Variants in CACNA1G observed in about 807,000 individuals in gnomAD.
The protein encoded by CACNA1G is calcium voltage-gated channel subunit alpha1 G.
CACNA1G carries 67 observed loss-of-function variants against 219.4 expected under a neutral mutation model. That is an observed-to-expected ratio of 0.31 (90% CI 0.25 to 0.37). The LOEUF (loss-of-function observed/expected upper bound fraction) is 0.37, where lower values mean the gene tolerates loss of function less well. CACNA1G is among the 10% of genes least tolerant of loss of function. CACNA1G has a pLI of 1.00. For synonymous variants in CACNA1G, 1,296 were observed against 1,345.3 expected, an observed-to-expected ratio of 0.96 and a Z score of 0.80; for missense variants, 2,380 against 3,231.4, an observed-to-expected ratio of 0.74 and a Z score of 6.39.
At position 50,624,422 on chromosome 17, in the gene CACNA1G, G is replaced by C; in HGVS notation, c.6292G>C (p.Asp2098His). 1 of 1,529,108 alleles carries C rather than the reference G, an allele frequency of 6.5e-7. No individual in the cohort carries two copies. 94.7% of individuals were successfully genotyped at this position (1,529,108 alleles called of 1,614,324 possible). The change falls in exon 37 of 38, where the codon GAT becomes CAT. Residue 2098 changes from aspartate (D) to histidine (H), a missense_variant. By Grantham distance (81) the Asp-to-His change is moderately conservative. Around this residue, in one of 17 missense-constraint regions of CACNA1G, gnomAD observed 672 missense variants for 670.5 expected, o/e 1.00. Coordinates refer to ENST00000359106, the MANE Select transcript of CACNA1G (RefSeq NM_018896.5). ...CAGCTACATCCTGCAGCTTCCCAAA[G>C]ATGCACCTCATCTGCTCCAGCCCCA... ...DTSYILQLPK[D>H]APHLLQPHSA...
rs766165057 is a variant in CACNA1G, at chr17:50,618,816, G to A, written c.5589G>A (p.Glu1863=). ...HLEESNKEAK[E]EAELEAELEL... ...AGGAGAGCAACAAGGAGGCCAAGGAGGAGGCCGAGCTAGAGGCTGAGCTGG... is the reference window on the plus strand; with the variant it reads ...AGGAGAGCAACAAGGAGGCCAAGGAAGAGGCCGAGCTAGAGGCTGAGCTGG... The change falls in exon 33 of 38, where the codon GAG becomes GAA. Residue 1863 remains glutamate, a synonymous_variant. Coordinates refer to ENST00000359106, the MANE Select transcript of CACNA1G (RefSeq NM_018896.5). This position sits in a 1 kb window ranked among gnomAD's most constrained non-coding sequence, Gnocchi z 5.3. The A allele has an allele frequency of 3.1e-6, 5 of 1,613,954 alleles. No homozygotes were observed. The Admixed American group carries it at 5.0e-5, about 16-fold the overall frequency.
intron 34 of CACNA1G, 120 bp downstream of exon 34, chr17:50,619,946 C>A: frequency 1.9e-6 from 2 of 1,036,688 alleles, no homozygotes; most frequent in Non-Finnish European, 2.7e-6. Flanking sequence ...GAAAGTGCAG[C>A]CTTGGAGCCT....
intron 1 of CACNA1G, among the ~76,000 whole-genome samples, chr17:50,567,676 C>T (rs1448027614): frequency 6.6e-6 from 1 of 152,164 alleles, no homozygotes; most frequent in Non-Finnish European, 1.5e-5. Context: ...CAATCTCCTG[C>T]TCTCTGATCT....
intron 35 of CACNA1G, among the ~76,000 whole-genome samples, chr17:50,623,263 ATTTTTTTTTTTTTTTTTTT>A (rs35058899): frequency 2.0e-5 from 1 of 50,978 alleles, no homozygotes; most frequent in South Asian, 1.2e-3. Flanking sequence ...TATCCAGCTA[ATTTTTTTTTTTTTTTTTTT>A]TTTTTTTTTT....
chr17:50,609,776 A>C, intron 25 of CACNA1G, 106 bp from the exon 26 acceptor site: 1 of 933,470 alleles, frequency 1.1e-6, no homozygotes, highest in African/African-American at 1.7e-5. Context: ...AGCGCACCCC[A>C]CCCATAGGCA....
In CACNA1G at chr17:50,596,727, C is replaced by T; in HGVS notation, c.3065-3C>T. On this transcript the variant is annotated splice_region_variant and splice_polypyrimidine_tract_variant and intron_variant, in intron 15 of 37. Coordinates refer to ENST00000359106, the MANE Select transcript of CACNA1G (RefSeq NM_018896.5). The surrounding 1 kb of genome is among the most constrained non-coding windows in gnomAD (Gnocchi z 4.8). Reference sequence around the variant, plus strand: ...CGGGATCTCTCCCTCTCTCCCCGTGCAGTGGTGTCCCTGGGAGAGCACCCG... The same window carrying T: ...CGGGATCTCTCCCTCTCTCCCCGTGTAGTGGTGTCCCTGGGAGAGCACCCG... 4 of 1,613,388 alleles carry T rather than the reference C, an allele frequency of 2.5e-6. No homozygotes were observed. The highest frequency in any genetic ancestry group is 1.7e-6 in the Non-Finnish European group (2 of 1,179,726).
intron 19 of CACNA1G, among the ~76,000 whole-genome samples, chr17:50,602,221 C>T (rs1340780726): frequency 6.6e-6 from 1 of 152,254 alleles, no homozygotes; most frequent in East Asian, 1.9e-4. Flanking sequence ...CTTCCCTCCT[C>T]TCTGTGCTCA....
chr17:50,578,550 G>A lies in CACNA1G; in HGVS notation c.2287G>A (p.Glu763Lys). 2 of 1,558,436 alleles carry A rather than the reference G, an allele frequency of 1.3e-6. No individual in the cohort carries two copies. Among genetic ancestry groups the A allele is most frequent in the Non-Finnish European group, 1.7e-6 (2 of 1,150,994 alleles). ...ILVNTLSMGI[E>K]YHEQPEELTN... ...GGTCAACACACTCAGCATGGGCATC[G>A]AATACCACGAGCAGGTAGGAGAGTG... The change falls in exon 9 of 38, where the codon GAA (glutamate) becomes AAA (lysine). Residue 763 changes from glutamate to lysine, a missense_variant. Coordinates refer to ENST00000359106, the MANE Select transcript of CACNA1G (RefSeq NM_018896.5). This position sits in a 1 kb window ranked among gnomAD's most constrained non-coding sequence, Gnocchi z 4.5.
At chr17:50,580,376 G>T (rs1450662096) in intron 9 of CACNA1G, among the ~76,000 whole-genome samples, 1 of 151,810 alleles carries the variant, frequency 6.6e-6, no homozygotes, top group Non-Finnish European at 1.5e-5. Context: ...CCCTGTTCCG[G>T]CCATGGTCAG....
In CACNA1G at chr17:50,599,867, C is replaced by T. The variant is rs760478895; in HGVS notation, c.3690+8C>T. 1 of 1,601,426 alleles carries T rather than the reference C, an allele frequency of 6.2e-7. No homozygotes were observed. ...GATGACGAGGGCAACCTGGTGAGGC[C>T]CCTGTGGGCACAGTGACCCCTCACC... On this transcript the variant is annotated splice_region_variant and intron_variant, in intron 17 of 37. Transcript: ENST00000359106.
In CACNA1G at chr17:50,615,396, C is replaced by T. The variant is rs773460916; in HGVS notation, c.4795C>T (p.Arg1599Cys). 4 of 1,612,338 alleles carry T rather than the reference C, an allele frequency of 2.5e-6. No individual in the cohort carries two copies. The highest frequency in any genetic ancestry group is 2.2e-5 in the East Asian group (1 of 44,850). The part of the protein sequence containing the change: ...QCKPYYSDYS[R>C]FRLLVHHLCT... Reference sequence around the variant, plus strand: ...CAAACCTTACTACTCCGACTACTCCCGCTTCCGGCTCCTCGTCCACCACTT... The same window carrying T: ...CAAACCTTACTACTCCGACTACTCCTGCTTCCGGCTCCTCGTCCACCACTT... Residue 1599 changes from arginine to cysteine, a missense_variant, in exon 27 of 38, where the codon CGC becomes TGC. By Grantham distance (180) the Arg-to-Cys change is radical. Around this residue, in one of 17 missense-constraint regions of CACNA1G, gnomAD observed 58 missense variants for 71.3 expected, o/e 0.81. Coordinates refer to ENST00000359106, the MANE Select transcript of CACNA1G (RefSeq NM_018896.5).
Position 50,621,563 on chromosome 17 carries a change from G to C in CACNA1G, c.5926-97G>C. On this transcript the variant is annotated intron_variant, in intron 34 of 37. Coordinates refer to ENST00000359106, the MANE Select transcript of CACNA1G (RefSeq NM_018896.5). This position sits in a 1 kb window ranked among gnomAD's most constrained non-coding sequence, Gnocchi z 4.6. ...CCGCCCCCCTGTGCTTCGTGAAAAG[G>C]GGGAAGTGGGGACTGAGAGAGAGCG... 1 of 1,353,784 alleles carries C rather than the reference G, an allele frequency of 7.4e-7. No homozygotes were observed. Among genetic ancestry groups the C allele is most frequent in the East Asian group, 2.4e-5 (1 of 42,290 alleles). 83.9% of individuals were successfully genotyped at this position (1,353,784 alleles called of 1,614,324 possible).
In CACNA1G at chr17:50,603,139, G is replaced by A. The variant is rs1213008889; in HGVS notation, c.4109G>A (p.Gly1370Asp). ...CTGGTGTCCATGGTCTCTGACAGCG[G>A]CACCAAGATCCTGGGCATGCTGAGG... is the stretch of plus-strand genomic sequence containing the variant. ...DILVSMVSDSGTKILGMLRVL... is the reference protein window; with the variant it reads ...DILVSMVSDSDTKILGMLRVL... Residue 1370 changes from glycine (G) to aspartate (D), a missense_variant, in exon 21 of 38, where the codon GGC becomes GAC. Physicochemically the swap from Gly to Asp is moderately conservative, Grantham distance 94. Around this residue, in one of 17 missense-constraint regions of CACNA1G, gnomAD observed 153 missense variants for 374.9 expected, o/e 0.41. Transcript: ENST00000359106. The surrounding 1 kb of genome is among the most constrained non-coding windows in gnomAD (Gnocchi z 6.4). 3.1e-6 allele frequency: 5 copies of A among 1,612,386 alleles called. No homozygotes were observed. The highest frequency in any genetic ancestry group is 3.3e-5 in the Admixed American group (2 of 59,996).
chr17:50,577,568 G>A (rs1046171343), intron 8 of CACNA1G, among the ~76,000 whole-genome samples: 4 of 150,728 alleles, frequency 2.7e-5, no homozygotes, highest in African/African-American at 9.8e-5. Context: ...GATGTGTGTA[G>A]GTGCATGTGC....
chr17:50,588,909 G>A (rs1398124926), intron 9 of CACNA1G, among the ~76,000 whole-genome samples: 2 of 152,236 alleles, frequency 1.3e-5, no homozygotes, highest in Admixed American at 1.3e-4. Context: ...CAAGCTGGCT[G>A]CACAAACTAG....
chr17:50,594,886 G>A (rs918424552), intron 13 of CACNA1G, 107 bp from the exon 14 acceptor site: 1 of 745,710 alleles, frequency 1.3e-6, no homozygotes, highest in Non-Finnish European at 2.3e-6. Flanking sequence ...CCCTGCTGTG[G>A]GGTTTGCGCC....
At position 50,627,345 on chromosome 17, in the gene CACNA1G, AG is replaced by A. The variant is rs752196039; in HGVS notation, c.*597del. ...CTTTAACCTCGTCATCATTTTCTGT[AG>A]GGAAAAAAAAAAGAAAAAGAAAAAA... On this transcript the variant is annotated 3_prime_UTR_variant, in exon 38 of 38. Transcript: ENST00000359106. The A allele has an allele frequency of 1.0e-4, 40 of 398,236 alleles. No homozygotes were observed. The highest frequency in any genetic ancestry group is 7.2e-4 in the South Asian group (40 of 55,414). 24.7% of individuals were successfully genotyped at this position (398,236 alleles called of 1,614,324 possible). A position where few individuals can be genotyped will look rare whatever the true frequency, so the allele number is the denominator to read the frequency against.
intron 23 of CACNA1G, chr17:50,606,287 AC>A: frequency 1.4e-6 from 1 of 707,758 alleles, no homozygotes; most frequent in Non-Finnish European, 2.6e-6. Context: ...GCCCAGGGCC[AC>A]AGAGCTACAT....
At chr17:50,564,465 G>T in intron 1 of CACNA1G, among the ~76,000 whole-genome samples, 1 of 148,766 alleles carries the variant, frequency 6.7e-6, no homozygotes, top group Non-Finnish European at 1.5e-5. Context: ...GAGGGGGAGT[G>T]GGAGGGGGGC....
Sources: allele counts gnomAD v4.1 joint callset (sites outside exome capture counted in the v4.1 genomes callset), GRCh38; gene constraint gnomAD v4.1.1; regional missense constraint gnomAD v4.1.1; non-coding constraint Gnocchi (gnomAD v3.1); transcripts MANE v1.5; gene names NCBI Gene and HGNC (gene_info 2026-07-23, HGNC 2026-07-21).